Variants in NALF1 observed in about 807,000 individuals in gnomAD.
NALF1 encodes the protein family with sequence similarity 155 member A.
In NALF1, 3 loss-of-function variants were observed where a neutral mutation model predicts 48.4. The ratio of observed to expected loss-of-function variants is 0.06; its 90% CI spans 0.03 to 0.16. The LOEUF (loss-of-function observed/expected upper bound fraction) is 0.16, where lower values mean the gene tolerates loss of function less well. Among genes scored for constraint, NALF1 ranks in the 10% least tolerant of loss-of-function variants. NALF1 has a pLI of 1.00. For missense variants in NALF1, 526 were observed against 571.5 expected, an observed-to-expected ratio of 0.92 and a Z score of 0.81; for synonymous variants, 262 against 245.7, an observed-to-expected ratio of 1.07 and a Z score of -0.62.
chr13:107,730,244 A>C (rs149995145), intron 1 of NALF1, among the ~76,000 whole-genome samples: 214 of 152,322 alleles, frequency 1.4e-3, no homozygotes, highest in Admixed American at 3.0e-3. Context: ...AGAATTATTG[A>C]AAATATTGCA....
chr13:107,678,783 G>A (rs988667924), intron 1 of NALF1, among the ~76,000 whole-genome samples: 1 of 152,142 alleles, frequency 6.6e-6, no homozygotes, highest in Non-Finnish European at 1.5e-5. Context: ...AAAACCATCA[G>A]ATCTCGTGAG....
At chr13:107,538,041 C>G (rs1446171701) in intron 1 of NALF1, among the ~76,000 whole-genome samples, 1 of 151,948 alleles carries the variant, frequency 6.6e-6, no homozygotes, top group Admixed American at 6.6e-5. Context: ...ACCACCATCA[C>G]CACAACAAAT....
chr13:107,370,562 T>G (rs950215191), intron 1 of NALF1, among the ~76,000 whole-genome samples: 1 of 152,174 alleles, frequency 6.6e-6, no homozygotes, highest in East Asian at 1.9e-4. Context: ...CAAAAGTAAC[T>G]TATTAGTTTT....
chr13:107,692,776 C>A (rs1246823848), intron 1 of NALF1, among the ~76,000 whole-genome samples: 2 of 152,126 alleles, frequency 1.3e-5, no homozygotes, highest in Admixed American at 6.5e-5. Context: ...TATGCCAAAC[C>A]AACAATATCT....
chr13:107,395,156 A>G (rs112638549), intron 1 of NALF1, among the ~76,000 whole-genome samples: 7 of 152,310 alleles, frequency 4.6e-5, no homozygotes, highest in African/African-American at 1.7e-4. Context: ...TCATCTAATT[A>G]GTAAATGTTG....
chr13:107,350,067 A>G (rs912077500), intron 1 of NALF1, among the ~76,000 whole-genome samples: 17 of 152,272 alleles, frequency 1.1e-4, no homozygotes, highest in African/African-American at 4.1e-4. Flanking sequence ...AATCCAATGT[A>G]GCCACTGATC....
intron 1 of NALF1, among the ~76,000 whole-genome samples, chr13:107,596,116 G>A (rs1008031631): frequency 6.6e-6 from 1 of 152,140 alleles, no homozygotes; most frequent in Non-Finnish European, 1.5e-5. Flanking sequence ...TGTGGGAGAA[G>A]GCACCTCAAC....
At chr13:107,819,984 G>GGAC (rs1456466641) in intron 1 of NALF1, among the ~76,000 whole-genome samples, 2 of 152,110 alleles carry the variant, frequency 1.3e-5, no homozygotes, top group East Asian at 3.9e-4. Context: ...AAGGAATCTG[G>GGAC]AAGCCAAATC....
chr13:107,359,961 A>G (rs528727921), intron 1 of NALF1, among the ~76,000 whole-genome samples: 1 of 152,300 alleles, frequency 6.6e-6, no homozygotes, highest in Non-Finnish European at 1.5e-5. Context: ...CATTTTTACT[A>G]TGGGCACAAG....
At chr13:107,255,502 G>A (rs961151971) in intron 1 of NALF1, among the ~76,000 whole-genome samples, 1 of 152,124 alleles carries the variant, frequency 6.6e-6, no homozygotes, top group Non-Finnish European at 1.5e-5. Context: ...CAACCTTGTT[G>A]AGTTCTTGGC....
intron 1 of NALF1, among the ~76,000 whole-genome samples, chr13:107,512,412 C>A (rs552456366): frequency 2.6e-5 from 4 of 152,160 alleles, no homozygotes; most frequent in African/African-American, 9.6e-5. Flanking sequence ...AAAAGAAAAA[C>A]CTGGTTTAGT....
intron 1 of NALF1, among the ~76,000 whole-genome samples, chr13:107,815,165 CA>C (rs1289620701): frequency 6.6e-6 from 1 of 151,894 alleles, no homozygotes; most frequent in Non-Finnish European, 1.5e-5. Context: ...TTGATTTCAT[CA>C]AAATTAAAAA....
intron 1 of NALF1, among the ~76,000 whole-genome samples, chr13:107,755,496 AG>A (rs1467048989): frequency 1.3e-5 from 2 of 151,534 alleles, no homozygotes; most frequent in Admixed American, 1.3e-4. Context: ...TCCATCTAAA[AG>A]TAATCAGAAG....
intron 1 of NALF1, among the ~76,000 whole-genome samples, chr13:107,827,980 G>A (rs1179961538): frequency 6.6e-6 from 1 of 152,140 alleles, no homozygotes; most frequent in Non-Finnish European, 1.5e-5. Context: ...AGCCGTCAGC[G>A]GTAGGAAGCG....
chr13:107,809,644 T>C (rs1260564017), intron 1 of NALF1, among the ~76,000 whole-genome samples: 1 of 152,128 alleles, frequency 6.6e-6, no homozygotes, highest in Non-Finnish European at 1.5e-5. Context: ...AAGCATGAAA[T>C]GTGCCCTCAA....
At chr13:107,501,133 C>T (rs1351885123) in intron 1 of NALF1, among the ~76,000 whole-genome samples, 1 of 151,942 alleles carries the variant, frequency 6.6e-6, no homozygotes, top group Non-Finnish European at 1.5e-5. Context: ...AAGACAGTGC[C>T]TTGGACACTG....
chr13:107,373,439 C>G (rs893043065), intron 1 of NALF1, among the ~76,000 whole-genome samples: 3 of 152,118 alleles, frequency 2.0e-5, no homozygotes, highest in African/African-American at 7.2e-5. Context: ...TTTAGTGTCT[C>G]AGTGACTTAA....
At chr13:107,475,444 C>T (rs1885164241) in intron 1 of NALF1, among the ~76,000 whole-genome samples, 1 of 152,076 alleles carries the variant, frequency 6.6e-6, no homozygotes, top group Admixed American at 6.6e-5. Flanking sequence ...AAATTGCTGC[C>T]AAGTCTGAGC....
chr13:107,817,261 G>A (rs565103758), intron 1 of NALF1, among the ~76,000 whole-genome samples: 1 of 152,346 alleles, frequency 6.6e-6, no homozygotes, highest in East Asian at 1.9e-4. Context: ...GTGAAATGCA[G>A]TATACTTGAA....
Sources: allele counts gnomAD v4.1 joint callset (sites outside exome capture counted in the v4.1 genomes callset), GRCh38; gene constraint gnomAD v4.1.1; transcripts MANE v1.5; gene names NCBI Gene and HGNC (gene_info 2026-07-23, HGNC 2026-07-21).